Variants in ITPR2 observed in about 807,000 individuals in gnomAD.
ITPR2 encodes the protein inositol 1,4,5-trisphosphate-gated calcium channel ITPR2.
ITPR2 carries 207 observed loss-of-function variants against 317.1 expected under a neutral mutation model. The ratio of observed to expected loss-of-function variants is 0.65; its 90% CI spans 0.58 to 0.73. The LOEUF is 0.73. Among genes scored for constraint, ITPR2 ranks in the 30% least tolerant of loss-of-function variants. The probability of loss-of-function intolerance (pLI) is 0.00; values close to 1 mark genes in which losing one functional copy is unlikely to be tolerated. For synonymous variants in ITPR2, 1,156 were observed against 1,149.1 expected (o/e 1.01, Z -0.12); for missense variants, 2,613 against 3,284.0 (o/e 0.80, Z 4.99).
At chr12:26,458,499 A>G (rs1228978013) in intron 45 of ITPR2, among the ~76,000 whole-genome samples, 2 of 152,190 alleles carry the variant, frequency 1.3e-5, no homozygotes, top group Non-Finnish European at 2.9e-5. Context: ...CTGCACCCAA[A>G]GCACTGATAT....
intron 13 of ITPR2, among the ~76,000 whole-genome samples, chr12:26,676,647 C>T (rs924111180): frequency 9.3e-5 from 14 of 150,418 alleles, no homozygotes; most frequent in Non-Finnish European, 2.1e-4. Context: ...AGGAGGAAGA[C>T]GTAAAGAAAG....
At chr12:26,382,487 A>C in intron 55 of ITPR2, among the ~76,000 whole-genome samples, 1 of 152,186 alleles carries the variant, frequency 6.6e-6, no homozygotes, top group Non-Finnish European at 1.5e-5. Flanking sequence ...CAATGTGGTG[A>C]AACCCTGTCT....
intron 1 of ITPR2, among the ~76,000 whole-genome samples, chr12:26,811,435 C>T (rs1293562679): frequency 6.6e-6 from 1 of 150,920 alleles, no homozygotes; most frequent in Non-Finnish European, 1.5e-5. Flanking sequence ...GCGGTGAAAC[C>T]CCATCTCTAC....
Position 26,633,533 on chromosome 12 carries a change from T to C in ITPR2, c.2741-1474A>G, listed in dbSNP as rs368924530. Among the ~76,000 whole-genome samples, 20 of 152,358 alleles carry C rather than the reference T, an allele frequency of 1.3e-4. No individual in the cohort carries two copies. In the East Asian group the frequency reaches 3.7e-3, roughly 28 times the overall value. On this transcript the variant is annotated intron_variant, in intron 21 of 56. Coordinates refer to ENST00000381340, the MANE Select transcript of ITPR2 (RefSeq NM_002223.4). ...GCCAAAAAACACGACAAAATGTATA[T>C]ATAAGTGTAATTTCCAAGTTCGGAC...
In ITPR2 at chr12:26,716,125, C is replaced by A; in HGVS notation, c.624+19G>T. ...ATGAGAAAAATGAACACATTCATTC[C>A]TTTTCCACTTGAACTTACCTCTTTA... On this transcript the variant is annotated intron_variant, in intron 6 of 56. Coordinates refer to ENST00000381340, the MANE Select transcript of ITPR2 (RefSeq NM_002223.4). 1 of 1,514,346 alleles carries A rather than the reference C, an allele frequency of 6.6e-7. No individual in the cohort carries two copies. Among genetic ancestry groups the A allele is most frequent in the South Asian group, 1.1e-5 (1 of 88,002 alleles). The allele number at this position is 1,514,346 out of a possible 1,614,324, so 93.8% of individuals were successfully genotyped here.
chr12:26,826,230 GAA>G (rs74261566), intron 1 of ITPR2, among the ~76,000 whole-genome samples: 6 of 102,782 alleles, frequency 5.8e-5, no homozygotes, highest in Non-Finnish European at 1.1e-4. Context: ...CAAGCCTCAA[GAA>G]AAAAAAAAAA....
intron 21 of ITPR2, among the ~76,000 whole-genome samples, chr12:26,644,658 T>C (rs1318413321): frequency 6.6e-6 from 1 of 152,002 alleles, no homozygotes; most frequent in African/African-American, 2.4e-5. Context: ...TGAGACTTAC[T>C]CACTAACACA....
intron 42 of ITPR2, among the ~76,000 whole-genome samples, chr12:26,481,853 C>G (rs769796655): frequency 3.5e-4 from 53 of 152,288 alleles, no homozygotes; most frequent in Non-Finnish European, 6.3e-4. Flanking sequence ...ATTTCTTAAA[C>G]TTACATGAGG....
At chr12:26,520,743 A>T (rs1232877428) in intron 37 of ITPR2, among the ~76,000 whole-genome samples, 2 of 152,008 alleles carry the variant, frequency 1.3e-5, no homozygotes, top group East Asian at 1.9e-4. Context: ...TAATTTGTGG[A>T]TTTTTGTCTC....
At chr12:26,397,380 T>C (rs988034778) in intron 54 of ITPR2, among the ~76,000 whole-genome samples, 10 of 151,854 alleles carry the variant, frequency 6.6e-5, no homozygotes, top group African/African-American at 2.4e-4. Context: ...CTTTCATCTT[T>C]TACCACCAGC....
intron 49 of ITPR2, among the ~76,000 whole-genome samples, chr12:26,422,159 A>G (rs2136691435): frequency 6.7e-6 from 1 of 150,118 alleles, no homozygotes; most frequent in Non-Finnish European, 1.5e-5. Flanking sequence ...ATTAATTAAT[A>G]TATTTAATTT....
intron 26 of ITPR2, among the ~76,000 whole-genome samples, chr12:26,610,828 A>C (rs1386839733): frequency 2.0e-5 from 3 of 152,232 alleles, no homozygotes; most frequent in Non-Finnish European, 2.9e-5. Flanking sequence ...GTTCAGGATT[A>C]TGTCACAGCA....
intron 33 of ITPR2, 42 bp from the exon 34 acceptor site, chr12:26,578,875 A>G (rs753702229): frequency 6.4e-7 from 1 of 1,570,734 alleles, no homozygotes; most frequent in South Asian, 1.2e-5. Context: ...ATGCTAAACC[A>G]TTAACAGCCC....
intron 56 of ITPR2, 126 bp downstream of exon 56, chr12:26,340,041 G>A: frequency 1.1e-6 from 1 of 876,762 alleles, no homozygotes; most frequent in Non-Finnish European, 1.7e-6. Context: ...ACAACGTGAG[G>A]TTTCTTTCTC....
chr12:26,513,525 C>T (rs930189193), intron 37 of ITPR2, among the ~76,000 whole-genome samples: 7 of 151,456 alleles, frequency 4.6e-5, no homozygotes, highest in East Asian at 2.0e-4. Context: ...TACTCTTCCT[C>T]GGATACTTTG....
chr12:26,521,469 T>C (rs1290802701), intron 37 of ITPR2, among the ~76,000 whole-genome samples: 4 of 152,182 alleles, frequency 2.6e-5, no homozygotes, highest in African/African-American at 9.7e-5. Flanking sequence ...TGTTATTAAC[T>C]GTCAATATTT....
chr12:26,662,991 G>A (rs1947537233), intron 15 of ITPR2, among the ~76,000 whole-genome samples: 1 of 152,090 alleles, frequency 6.6e-6, no homozygotes, highest in South Asian at 2.1e-4. Context: ...AGATAAAAAT[G>A]AGACTTAAGA....
chr12:26,747,242 A>G (rs1012155982), intron 2 of ITPR2, among the ~76,000 whole-genome samples: 1 of 152,104 alleles, frequency 6.6e-6, no homozygotes, highest in Non-Finnish European at 1.5e-5. Context: ...TCTCAATACT[A>G]CAATTCACTA....
intron 55 of ITPR2, among the ~76,000 whole-genome samples, chr12:26,366,611 C>T (rs917361801): frequency 1.3e-5 from 2 of 152,118 alleles, no homozygotes; most frequent in African/African-American, 4.8e-5. Context: ...CTCCTCTTCC[C>T]GTTGTAAACC....
Sources: gnomAD v4.1 joint callset for allele counts (sites outside exome capture counted in the v4.1 genomes callset) on GRCh38, gnomAD v4.1.1 for gene constraint, MANE v1.5 for transcripts, NCBI Gene and HGNC (gene_info 2026-07-23, HGNC 2026-07-21) for gene names.